Variants in CHRM2 observed in about 807,000 individuals in gnomAD.
CHRM2 encodes the protein cholinergic receptor muscarinic 2, also known as muscarinic acetylcholine receptor M2.
CHRM2 carries 8 observed loss-of-function variants against 25.0 expected under a neutral mutation model. The ratio of observed to expected loss-of-function variants is 0.32; its 90% CI spans 0.19 to 0.58. The LOEUF is 0.58. CHRM2 is among the 20% of genes least tolerant of loss of function. CHRM2 has a pLI of 0.88. For synonymous variants in CHRM2, 202 were observed against 205.7 expected (o/e 0.98, Z 0.15); for missense variants, 440 against 567.1 (o/e 0.78, Z 2.28).
Position 137,015,166 on chromosome 7 carries a change from G to T in CHRM2, c.301G>T (p.Ala101Ser). 6.2e-7 allele frequency: 1 copy of T among 1,613,560 alleles called. No homozygotes were observed. Among genetic ancestry groups the T allele is most frequent in the Non-Finnish European group, 8.5e-7 (1 of 1,179,666 alleles). The change falls in exon 4 of 4, where the codon GCC becomes TCC. Residue 101 changes from alanine (A) to serine (S), a missense_variant. Physicochemically the swap from Ala to Ser is moderately conservative, Grantham distance 99. Transcript: ENST00000680005. The surrounding 1 kb of genome is among the most constrained non-coding windows in gnomAD (Gnocchi z 5.1). ...ACCTGTGGTGTGTGACCTTTGGCTA[G>T]CCCTGGACTATGTGGTCAGCAATGC... ...LGPVVCDLWL[A>S]LDYVVSNASV...
intron 2 of CHRM2, among the ~76,000 whole-genome samples, chr7:136,964,618 A>G (rs997111325): frequency 1.3e-5 from 2 of 152,206 alleles, no homozygotes; most frequent in Middle Eastern, 3.2e-3. Context: ...CTTTGCACAC[A>G]GGAAAACTGA....
chr7:137,011,646 A>G (rs537423069), intron 3 of CHRM2, among the ~76,000 whole-genome samples: 1 of 152,122 alleles, frequency 6.6e-6, no homozygotes, highest in East Asian at 1.9e-4. Context: ...ACACATCCGA[A>G]TTAATATTTT....
In CHRM2 at chr7:136,893,916, C is replaced by A. The variant is rs1005215932; in HGVS notation, c.-125+24498C>A. On this transcript the variant is annotated intron_variant, in intron 2 of 3. Transcript: ENST00000680005. ...TAAAACATTCATCTCCACAAATAAT[C>A]CTCATATTTTATTTTGCCCTTTGTT... is the stretch of plus-strand genomic sequence containing the variant. Among the ~76,000 whole-genome samples the A allele has an allele frequency of 5.9e-5, 9 of 152,256 alleles. No homozygotes were observed. In the East Asian group the frequency reaches 1.7e-3, roughly 29 times the overall value.
chr7:136,901,492 G>C lies in CHRM2; in HGVS notation c.-125+32074G>C, dbSNP rs372159021. Among the ~76,000 whole-genome samples the C allele has an allele frequency of 3.9e-5, 6 of 151,930 alleles. No individual in the cohort carries two copies. In the East Asian group the frequency reaches 5.8e-4, roughly 15 times the overall value. Reference sequence around the variant, plus strand: ...TTATTTAGCATCTATAATGTGCTGTGCCCTGACCTATAGTGACCCAAACAG... The same window carrying C: ...TTATTTAGCATCTATAATGTGCTGTCCCCTGACCTATAGTGACCCAAACAG... On this transcript the variant is annotated intron_variant, in intron 2 of 3. Transcript: ENST00000680005.
intron 2 of CHRM2, among the ~76,000 whole-genome samples, chr7:136,975,241 T>C (rs1802035595): frequency 6.6e-6 from 1 of 152,188 alleles, no homozygotes; most frequent in East Asian, 1.9e-4. Flanking sequence ...GTCTTAGAAT[T>C]CACTTTCTTG....
intron 2 of CHRM2, among the ~76,000 whole-genome samples, chr7:136,945,797 A>G (rs1401652570): frequency 6.6e-6 from 1 of 152,170 alleles, no homozygotes; most frequent in African/African-American, 2.4e-5. Context: ...TTGTACTAAT[A>G]TTAACATATT....
chr7:136,902,170 T>C (rs1010777041), intron 2 of CHRM2: 1 of 151,964 alleles, frequency 6.6e-6, no homozygotes, highest in African/African-American at 2.4e-5. Context: ...ATTGATTCTG[T>C]GATCTTCCTT....
At chr7:136,964,260 A>G (rs1801277071) in intron 2 of CHRM2, among the ~76,000 whole-genome samples, 1 of 152,124 alleles carries the variant, frequency 6.6e-6, no homozygotes, top group African/African-American at 2.4e-5. Flanking sequence ...AAAATTAATA[A>G]CTTTTATATA....
intron 2 of CHRM2, among the ~76,000 whole-genome samples, chr7:136,927,665 T>G (rs1798826698): frequency 6.6e-6 from 1 of 152,186 alleles, no homozygotes; most frequent in African/African-American, 2.4e-5. Flanking sequence ...ATGAGCAACA[T>G]TTCCAAAATA....
chr7:137,003,115 G>A (rs1804162890), intron 3 of CHRM2, among the ~76,000 whole-genome samples: 1 of 152,052 alleles, frequency 6.6e-6, no homozygotes, highest in Non-Finnish European at 1.5e-5. Flanking sequence ...CAGTTAACTG[G>A]GTACGAAGTT....
chr7:136,895,472 A>T (rs1796856859), intron 2 of CHRM2, among the ~76,000 whole-genome samples: 1 of 152,202 alleles, frequency 6.6e-6, no homozygotes, highest in Non-Finnish European at 1.5e-5. Flanking sequence ...GGTAGGACTG[A>T]TAGGCAAGTT....
rs1053542908 is a variant in CHRM2 at position 136,990,475 on chromosome 7, C to T, written c.-124-1712C>T. On this transcript the variant is annotated intron_variant, in intron 2 of 3. Coordinates refer to ENST00000680005, the MANE Select transcript of CHRM2 (RefSeq NM_001006630.2). Reference sequence around the variant, plus strand: ...CATATAGTTGGATTCATACAGTATGCGGTCTTTTCATATTGCTGTCTCTCA... The same window carrying T: ...CATATAGTTGGATTCATACAGTATGTGGTCTTTTCATATTGCTGTCTCTCA... Among the ~76,000 whole-genome samples the T allele has an allele frequency of 2.6e-4, 40 of 152,040 alleles. 1 individual carries two copies. The highest frequency in any genetic ancestry group is 8.9e-4 in the African/African-American group (37 of 41,422).
At chr7:136,909,990 C>A (rs1213475523) in intron 2 of CHRM2, among the ~76,000 whole-genome samples, 2 of 151,796 alleles carry the variant, frequency 1.3e-5, no homozygotes, top group Admixed American at 6.6e-5. Flanking sequence ...ATACACCCCC[C>A]CCAACACACA....
rs1432207098 is a variant in CHRM2 at position 137,017,579 on chromosome 7, C to T, written c.*1313C>T. The T allele has an allele frequency of 6.6e-6, 1 of 151,992 alleles. No homozygotes were observed. Among genetic ancestry groups the T allele is most frequent in the Non-Finnish European group, 1.5e-5 (1 of 67,952 alleles). 9.4% of individuals were successfully genotyped at this position (151,992 alleles called of 1,614,324 possible). A position where few individuals can be genotyped will look rare whatever the true frequency, so the allele number is the denominator to read the frequency against. ...AGGGGAAAAAACGATATTTTAAAAA[C>T]TATTACTGAAACAATTACATATTCC... On this transcript the variant is annotated 3_prime_UTR_variant, in exon 4 of 4. Coordinates refer to ENST00000680005, the MANE Select transcript of CHRM2 (RefSeq NM_001006630.2).
At chr7:136,974,773 T>C (rs1343965131) in intron 2 of CHRM2, among the ~76,000 whole-genome samples, 1 of 152,168 alleles carries the variant, frequency 6.6e-6, no homozygotes, top group African/African-American at 2.4e-5. Flanking sequence ...AAGAGAAGAA[T>C]TATATATTTA....
At chr7:136,982,231 G>A (rs976154528) in intron 2 of CHRM2, among the ~76,000 whole-genome samples, 44 of 151,900 alleles carry the variant, frequency 2.9e-4, no homozygotes, top group African/African-American at 9.9e-4. Flanking sequence ...TCTTTGTTGC[G>A]TTAAAGTCTG....
At chr7:136,873,595 G>C (rs563741175) in intron 2 of CHRM2, among the ~76,000 whole-genome samples, 9 of 152,192 alleles carry the variant, frequency 5.9e-5, no homozygotes, top group African/African-American at 2.2e-4. Context: ...GTAATGACCC[G>C]AGATCATACA....
At chr7:136,903,934 A>G (rs1363399321) in intron 2 of CHRM2, among the ~76,000 whole-genome samples, 1 of 151,798 alleles carries the variant, frequency 6.6e-6, no homozygotes, top group Non-Finnish European at 1.5e-5. Context: ...TCTTATTCAG[A>G]CTATGTGAAG....
Position 136,879,979 on chromosome 7 carries a change from G to A in CHRM2, c.-125+10561G>A, listed in dbSNP as rs150545459. On this transcript the variant is annotated intron_variant, in intron 2 of 3. Coordinates refer to ENST00000680005, the MANE Select transcript of CHRM2 (RefSeq NM_001006630.2). ...CAAGATTGTCAAATGACTCCCCTTT[G>A]CTATTCACCAGCTTATTCTAGCTTC... Among the ~76,000 whole-genome samples, 681 of 151,378 alleles carry A rather than the reference G, an allele frequency of 4.5e-3. 7 individuals are homozygous for A. The highest frequency in any genetic ancestry group is 0.02 in the Middle Eastern group (6 of 294).
Sources: allele counts gnomAD v4.1 joint callset (sites outside exome capture counted in the v4.1 genomes callset), GRCh38; gene constraint gnomAD v4.1.1; non-coding constraint Gnocchi (gnomAD v3.1); transcripts MANE v1.5; gene names NCBI Gene and HGNC (gene_info 2026-07-23, HGNC 2026-07-21).